The following ITGA11 variants were observed in gnomAD, a reference collection of about 807,000 sequenced individuals.
ITGA11 encodes integrin subunit alpha 11, also known as integrin alpha-11.
Under a neutral mutation model 141.9 loss-of-function variants are expected in ITGA11, and 97 were observed. The observed-to-expected ratio is 0.68, with a 90% confidence interval of 0.58 to 0.81. ITGA11 has a LOEUF of 0.81. Ranked by LOEUF, ITGA11 falls within the 30% of genes least tolerant of loss-of-function variation. The pLI is 0.00. For synonymous variants in ITGA11, 658 were observed against 624.6 expected, an observed-to-expected ratio of 1.05 and a Z score of -0.80; for missense variants, 1,387 against 1,559.2, an observed-to-expected ratio of 0.89 and a Z score of 1.86.
chr15:68,377,485 TG>T (rs951185763), intron 2 of ITGA11, among the ~76,000 whole-genome samples: 1 of 152,126 alleles, frequency 6.6e-6, no homozygotes, highest in Non-Finnish European at 1.5e-5. Context: ...TTGGCCAGGC[TG>T]GTCTCAAACT....
At position 68,307,494 on chromosome 15, in the gene ITGA11, G is replaced by T. The variant is rs376624507; in HGVS notation, c.3286-51C>A. 3 of 1,518,952 alleles carry T rather than the reference G, an allele frequency of 2.0e-6. No homozygotes were observed. Among genetic ancestry groups the T allele is most frequent in the South Asian group, 1.2e-5 (1 of 83,754 alleles). 94.1% of individuals were successfully genotyped at this position (1,518,952 alleles called of 1,614,324 possible). A position where few individuals can be genotyped will look rare whatever the true frequency, so the allele number is the denominator to read the frequency against. ...AGCTGGCTTGGAAGCTTTTCTTCCC[G>T]TCCCCTCCCCAGGCAGCCCCAGGTG... On this transcript the variant is annotated intron_variant, in intron 27 of 29. Transcript: ENST00000315757. The surrounding 1 kb of genome is among the most constrained non-coding windows in gnomAD (Gnocchi z 6.1).
intron 2 of ITGA11, among the ~76,000 whole-genome samples, chr15:68,370,630 C>A (rs1351835837): frequency 2.0e-5 from 3 of 152,240 alleles, no homozygotes; most frequent in African/African-American, 7.2e-5. Flanking sequence ...GGTAACCCTT[C>A]CCAGGGACAG....
At chr15:68,313,503 G>A (rs555627274) in intron 23 of ITGA11, among the ~76,000 whole-genome samples, 100 of 152,224 alleles carry the variant, frequency 6.6e-4, no homozygotes, top group Admixed American at 2.2e-3. Context: ...AGGGGTGGAC[G>A]CCTCCCACTG....
chr15:68,315,521 C>T, intron 22 of ITGA11, 130 bp downstream of exon 22: 1 of 807,956 alleles, frequency 1.2e-6, no homozygotes, highest in South Asian at 1.6e-5. Flanking sequence ...TGCCTCCACT[C>T]AAGGTTGGGG....
chr15:68,426,034 A>G (rs768254948), intron 1 of ITGA11, among the ~76,000 whole-genome samples: 1 of 152,234 alleles, frequency 6.6e-6, no homozygotes, highest in Non-Finnish European at 1.5e-5. Flanking sequence ...GCTGCCCATC[A>G]GCAACAAGGG....
At chr15:68,306,693 G>A (rs1893208917) in intron 28 of ITGA11, among the ~76,000 whole-genome samples, 1 of 152,212 alleles carries the variant, frequency 6.6e-6, no homozygotes, top group East Asian at 1.9e-4. Flanking sequence ...ATTGGTTTTT[G>A]TTGGATTGTT....
chr15:68,332,094 A>T (rs772968980), intron 13 of ITGA11, 32 bp from the exon 14 acceptor site: 41 of 1,541,410 alleles, frequency 2.7e-5, no homozygotes, highest in Middle Eastern at 1.7e-4. Context: ...AAGGCTGGGG[A>T]GGGTTTGGCA....
Position 68,303,162 on chromosome 15 carries a change from G to A in ITGA11, c.3496-32C>T. ...GGAGGCAAAGGGAGACGTCTCAGAG[G>A]AGGACAGGGTGGGCAAGGCCTGCCC... On this transcript the variant is annotated intron_variant, in intron 29 of 29. Coordinates refer to ENST00000315757, the MANE Select transcript of ITGA11 (RefSeq NM_001004439.2). The surrounding 1 kb of genome is among the most constrained non-coding windows in gnomAD (Gnocchi z 5.3). 1 of 1,544,188 alleles carries A rather than the reference G, an allele frequency of 6.5e-7. No homozygotes were observed. Among genetic ancestry groups the A allele is most frequent in the Non-Finnish European group, 8.8e-7 (1 of 1,141,764 alleles).
intron 1 of ITGA11, among the ~76,000 whole-genome samples, chr15:68,430,676 C>A (rs1897247648): frequency 6.6e-6 from 1 of 152,188 alleles, no homozygotes; most frequent in African/African-American, 2.4e-5. Flanking sequence ...ATGGGCTTGG[C>A]CTCCTCCCGC....
At chr15:68,336,055 G>T in intron 11 of ITGA11, 2 of 616,386 alleles carry the variant, frequency 3.2e-6, no homozygotes, top group East Asian at 2.8e-5. Flanking sequence ...GGTTTGGAGG[G>T]TAGGGAGAAC....
intron 2 of ITGA11, among the ~76,000 whole-genome samples, chr15:68,375,841 G>GT (rs35860391): frequency 0.019 from 2,839 of 152,284 alleles, 106 homozygotes; most frequent in African/African-American, 0.064. Flanking sequence ...CTGTGAGGGT[G>GT]TTTTTTGCAT....
At chr15:68,399,842 C>T (rs1375228084) in intron 2 of ITGA11, among the ~76,000 whole-genome samples, 1 of 152,052 alleles carries the variant, frequency 6.6e-6, no homozygotes, top group Non-Finnish European at 1.5e-5. Context: ...TGAAAAACTA[C>T]CTATTGGGTA....
intron 6 of ITGA11, among the ~76,000 whole-genome samples, chr15:68,357,731 A>G (rs572293791): frequency 6.6e-6 from 1 of 152,308 alleles, no homozygotes; most frequent in African/African-American, 2.4e-5. Context: ...TAATGACAAT[A>G]TTAATAGCAT....
chr15:68,403,109 T>C (rs4777049), intron 1 of ITGA11, 80 bp from the exon 2 acceptor site: 377,644 of 901,252 alleles, frequency 0.42, 82,856 homozygotes, highest in East Asian at 0.59. Flanking sequence ...TCAGGACCCA[T>C]TGGCAGGTCA....
chr15:68,350,259 A>G (rs1894862585), intron 9 of ITGA11, among the ~76,000 whole-genome samples: 2 of 152,100 alleles, frequency 1.3e-5, no homozygotes, highest in Admixed American at 6.6e-5. Context: ...ATATCAGCTC[A>G]CTGCAACCTC....
intron 2 of ITGA11, among the ~76,000 whole-genome samples, chr15:68,376,536 T>C (rs1184137144): frequency 5.3e-5 from 8 of 152,220 alleles, no homozygotes; most frequent in Non-Finnish European, 1.0e-4. Flanking sequence ...ACAGAGTAGA[T>C]CCTGAAATGC....
At chr15:68,427,515 A>C (rs937990400) in intron 1 of ITGA11, among the ~76,000 whole-genome samples, 1 of 152,142 alleles carries the variant, frequency 6.6e-6, no homozygotes, top group African/African-American at 2.4e-5. Flanking sequence ...TCAGTGAAGG[A>C]GGAAGTGAGA....
chr15:68,314,135 A>T (rs1184554071), intron 22 of ITGA11, among the ~76,000 whole-genome samples: 1 of 152,188 alleles, frequency 6.6e-6, no homozygotes, highest in African/African-American at 2.4e-5. Context: ...CTGGCCTGGC[A>T]CGGACTGGAC....
chr15:68,327,583 C>A (rs1894019536), intron 16 of ITGA11, among the ~76,000 whole-genome samples: 2 of 152,212 alleles, frequency 1.3e-5, no homozygotes, highest in Non-Finnish European at 2.9e-5. Flanking sequence ...CCACCTGGGG[C>A]CAGGGCTGTC....
Sources: allele counts gnomAD v4.1 joint callset (sites outside exome capture counted in the v4.1 genomes callset), GRCh38; gene constraint gnomAD v4.1.1; non-coding constraint Gnocchi (gnomAD v3.1); transcripts MANE v1.5; gene names NCBI Gene and HGNC (gene_info 2026-07-23, HGNC 2026-07-21).